The following SH3YL1 variants were observed in gnomAD, a reference collection of about 807,000 sequenced individuals.
The protein encoded by SH3YL1 is SH3 domain-containing YSC84-like protein 1.
Under a neutral mutation model 45.8 loss-of-function variants are expected in SH3YL1, and 41 were observed. The ratio of observed to expected loss-of-function variants is 0.89; its 90% CI spans 0.70 to 1.16. SH3YL1 has a LOEUF of 1.16. Ranked by LOEUF, SH3YL1 falls within the 50% of genes most tolerant of loss-of-function variation. SH3YL1 has a pLI of 0.00. For missense variants in SH3YL1, 389 were observed against 409.6 expected, an observed-to-expected ratio of 0.95 and a Z score of 0.43; for synonymous variants, 152 against 151.4, an observed-to-expected ratio of 1.00 and a Z score of -0.03.
At chr2:219,142 AT>A (rs1315686920) in intron 9 of SH3YL1, 141 bp from the exon 10 acceptor site, 8 of 564,116 alleles carry the variant, frequency 1.4e-5, no homozygotes, top group Non-Finnish European at 2.4e-5. Flanking sequence ...AGTCTGTGTA[AT>A]TTTCATCACA....
chr2:219,525 G>GA (rs1485962034), intron 9 of SH3YL1, among the ~76,000 whole-genome samples: 4 of 152,152 alleles, frequency 2.6e-5, no homozygotes, highest in African/African-American at 4.8e-5. Context: ...GCCAGACACT[G>GA]AGTCTCCTGG....
chr2:264,216 C>G, upstream of SH3YL1: 1 of 523,178 alleles, frequency 1.9e-6, no homozygotes, highest in African/African-American at 2.0e-5. Context: ...TCCTCAAGAT[C>G]GAAAAGCCCA....
At position 230,000 on chromosome 2, in the gene SH3YL1, T is replaced by C. The variant is rs1558236152; in HGVS notation, c.747A>G (p.Ser249=). The C allele has an allele frequency of 1.9e-6, 3 of 1,613,012 alleles. No individual in the cohort carries two copies. The highest frequency in any genetic ancestry group is 8.5e-7 in the Non-Finnish European group (1 of 1,179,238). ...CAGAGTTCAGCTGGACTGGTGCAGA[T>C]GACTGCTGTGGTCTTGACAATGGCT... ...PPKPLSRPQQ[S]SAPVQLNSGS... is the part of the protein sequence containing the mutation. Residue 249 remains serine (S), a synonymous_variant, in exon 8 of 10, where the codon TCA becomes TCG. Coordinates refer to ENST00000356150, the MANE Select transcript of SH3YL1 (RefSeq NM_015677.4).
intron 2 of SH3YL1, among the ~76,000 whole-genome samples, chr2:252,483 G>C (rs1195775110): frequency 6.6e-6 from 1 of 152,126 alleles, no homozygotes; most frequent in Non-Finnish European, 1.5e-5. Flanking sequence ...GCAAAAGGGA[G>C]AGACAGGGAG....
intron 1 of SH3YL1, among the ~76,000 whole-genome samples, chr2:253,689 C>A (rs1037324320): frequency 2.0e-5 from 3 of 152,216 alleles, no homozygotes; most frequent in Non-Finnish European, 2.9e-5. Flanking sequence ...TGCCACTACT[C>A]CACCTATTGA....
intron 1 of SH3YL1, among the ~76,000 whole-genome samples, chr2:255,051 T>G (rs939195467): frequency 1.3e-5 from 2 of 152,186 alleles, no homozygotes; most frequent in African/African-American, 2.4e-5. Context: ...AAAACCAAAC[T>G]ATACTCAAAT....
At chr2:239,082 T>C (rs1668430840) in intron 4 of SH3YL1, among the ~76,000 whole-genome samples, 1 of 152,126 alleles carries the variant, frequency 6.6e-6, no homozygotes, top group Non-Finnish European at 1.5e-5. Context: ...CACGATGCAA[T>C]AAGCTATCCA....
intron 1 of SH3YL1, among the ~76,000 whole-genome samples, chr2:255,415 G>A (rs1280188177): frequency 1.3e-5 from 2 of 152,002 alleles, no homozygotes; most frequent in Non-Finnish European, 2.9e-5. Flanking sequence ...GCAACATAGT[G>A]AGACCCCCAT....
intron 9 of SH3YL1, among the ~76,000 whole-genome samples, 186 bp downstream of exon 9, chr2:224,678 A>C (rs1667718437): frequency 6.6e-6 from 1 of 152,248 alleles, no homozygotes; most frequent in Non-Finnish European, 1.5e-5. Flanking sequence ...ATTACCTTAA[A>C]GGCAAGTAAG....
At chr2:220,363 CTAA>C (rs975706834) in intron 9 of SH3YL1, among the ~76,000 whole-genome samples, 1 of 151,996 alleles carries the variant, frequency 6.6e-6, no homozygotes, top group South Asian at 2.1e-4. Flanking sequence ...AGAAATAATC[CTAA>C]TAATAATTAC....
At chr2:246,605 GAGGGGAGGGAGGGAAGGGAGGAGGA>G (rs1668823858) in intron 4 of SH3YL1, among the ~76,000 whole-genome samples, 2 of 150,188 alleles carry the variant, frequency 1.3e-5, no homozygotes, top group South Asian at 2.2e-4. Flanking sequence ...AAGGGGAAGA[GAGGGGAGGGAGGGAAGGGAGGAGGA>G]AGGGGAGGGA....
At chr2:220,881 C>A (rs1016924507) in intron 9 of SH3YL1, among the ~76,000 whole-genome samples, 1 of 152,188 alleles carries the variant, frequency 6.6e-6, no homozygotes, top group Non-Finnish European at 1.5e-5. Context: ...TTGTGAACAT[C>A]AGGGAATGTT....
At chr2:228,365 T>C (rs965731813) in intron 8 of SH3YL1, among the ~76,000 whole-genome samples, 1 of 152,188 alleles carries the variant, frequency 6.6e-6, no homozygotes, top group Non-Finnish European at 1.5e-5. Flanking sequence ...AAGGGGGTTA[T>C]ATGGCAGAAA....
In SH3YL1 at chr2:242,723, A is replaced by AAAC. The variant is rs1668596522; in HGVS notation, c.291+4812_291+4814dup. 7 of 1,408,342 alleles carry AAAC rather than the reference A, an allele frequency of 5.0e-6. No homozygotes were observed. In the African/African-American group the frequency reaches 6.6e-5, roughly 13 times the overall value. 87.2% of individuals were successfully genotyped at this position (1,408,342 alleles called of 1,614,324 possible). ...AAGGCAGAGATTATTAGCATGGATA[A>AAAC]AACAACAATAACAACAACAACAACA... On this transcript the variant is annotated intron_variant, in intron 4 of 9. Transcript: ENST00000356150.
At chr2:258,668 G>A (rs1359729899) in intron 1 of SH3YL1, among the ~76,000 whole-genome samples, 1 of 152,156 alleles carries the variant, frequency 6.6e-6, no homozygotes, top group East Asian at 1.9e-4. Flanking sequence ...TGTGTCTAGA[G>A]TAGCCTTTAG....
intron 9 of SH3YL1, among the ~76,000 whole-genome samples, chr2:219,694 A>G (rs1347960164): frequency 2.0e-5 from 3 of 152,118 alleles, no homozygotes; most frequent in Non-Finnish European, 4.4e-5. Flanking sequence ...CAGATATGTG[A>G]GCTTATATCA....
chr2:241,007 G>A (rs1668519840), intron 4 of SH3YL1: 1 of 152,080 alleles, frequency 6.6e-6, no homozygotes, highest in African/African-American at 2.4e-5. Context: ...AAGTGGGAGA[G>A]TGTGACCCAT....
At position 249,730 on chromosome 2, in the gene SH3YL1, C is replaced by T. The variant is rs779659079; in HGVS notation, c.226+1G>A. 4.5e-6 allele frequency: 7 copies of T among 1,549,962 alleles called. No individual in the cohort carries two copies. The highest frequency in any genetic ancestry group is 5.2e-6 in the Non-Finnish European group (6 of 1,145,408). On this transcript the variant is annotated splice_donor_variant, in intron 3 of 9. Transcript: ENST00000356150. LOFTEE classifies it high-confidence loss of function. ...ACTCCAGTGAACAGACGCCAACTTA[C>T]TTCCATCTGGAAGGCGCGCCACTAC...
At chr2:254,656 A>G (rs1161547233) in intron 1 of SH3YL1, among the ~76,000 whole-genome samples, 5 of 152,220 alleles carry the variant, frequency 3.3e-5, no homozygotes, top group African/African-American at 9.6e-5. Context: ...TCAAGCTGGG[A>G]ACTCTGTGAG....
Sources: allele counts gnomAD v4.1 joint callset (sites outside exome capture counted in the v4.1 genomes callset), GRCh38; gene constraint gnomAD v4.1.1; transcripts MANE v1.5; gene names NCBI Gene and HGNC (gene_info 2026-07-23, HGNC 2026-07-21).